Variants in ZCWPW2 observed in about 807,000 individuals in gnomAD.
ZCWPW2 encodes zinc finger CW-type and PWWP domain containing 2.
Under a neutral mutation model 46.6 loss-of-function variants are expected in ZCWPW2, and 45 were observed. That is an observed-to-expected ratio of 0.96 (90% CI 0.76 to 1.24). The LOEUF (loss-of-function observed/expected upper bound fraction) is 1.24, where lower values mean the gene tolerates loss of function less well. Ranked by LOEUF, ZCWPW2 falls within the 50% of genes most tolerant of loss-of-function variation. The pLI is 0.00. For missense variants in ZCWPW2, 429 were observed against 403.9 expected (o/e 1.06, Z -0.53); for synonymous variants, 152 against 137.1 (o/e 1.11, Z -0.76).
At chr3:28,464,196 T>C (rs954282547) in intron 4 of ZCWPW2, among the ~76,000 whole-genome samples, 14 of 152,024 alleles carry the variant, frequency 9.2e-5, no homozygotes, top group Non-Finnish European at 2.9e-5. Flanking sequence ...TACAGTATAT[T>C]GATATAAAAC....
In ZCWPW2 at chr3:28,498,669, C is replaced by T. The variant is rs144742841; in HGVS notation, c.657+6496C>T. On this transcript the variant is annotated intron_variant, in intron 6 of 9. Transcript: ENST00000383768. ...GCTATGCCTTTTTTTTTTTATTATACTTTAAGTTCTATGATACATGTGCAG... is the reference window on the plus strand; with the variant it reads ...GCTATGCCTTTTTTTTTTTATTATATTTTAAGTTCTATGATACATGTGCAG... 2.5e-3 allele frequency among the ~76,000 whole-genome samples: 379 copies of T among 149,936 alleles called. 1 individual carries two copies. Among genetic ancestry groups the T allele is most frequent in the African/African-American group, 8.5e-3 (345 of 40,732 alleles).
chr3:28,404,677 T>C (rs12495684), intron 2 of ZCWPW2, among the ~76,000 whole-genome samples: 33,353 of 152,132 alleles, frequency 0.22, 3,961 homozygotes, highest in Admixed American at 0.28. Flanking sequence ...GTGATATATA[T>C]ATAATGAAAT....
chr3:28,383,609 G>A (rs1425696275), intron 1 of ZCWPW2, among the ~76,000 whole-genome samples: 4 of 151,896 alleles, frequency 2.6e-5, no homozygotes, highest in Non-Finnish European at 5.9e-5. Flanking sequence ...TAAGAGGTGT[G>A]TGTTAAAGCT....
Position 28,525,623 on chromosome 3 carries a change from C to T in ZCWPW2, c.*935C>T, listed in dbSNP as rs1436020454. Among the ~76,000 whole-genome samples, 1 of 152,080 alleles carries T rather than the reference C, an allele frequency of 6.6e-6. No homozygotes were observed. Among genetic ancestry groups the T allele is most frequent in the Non-Finnish European group, 1.5e-5 (1 of 67,996 alleles). ...CAGCGGTGAATTTTATTGTGAGTTG[C>T]CTCATATTGCTTTAACAAGGAGGCA... On this transcript the variant is annotated 3_prime_UTR_variant, in exon 10 of 10. Coordinates refer to ENST00000383768, the MANE Select transcript of ZCWPW2 (RefSeq NM_001040432.4).
intron 4 of ZCWPW2, among the ~76,000 whole-genome samples, chr3:28,460,329 A>G (rs914042283): frequency 2.0e-4 from 30 of 147,194 alleles, no homozygotes; most frequent in African/African-American, 6.8e-4. Context: ...AGTTGTTTTG[A>G]TCTTAAAATT....
chr3:28,474,497 G>A (rs1033668026), intron 4 of ZCWPW2, among the ~76,000 whole-genome samples: 1 of 151,592 alleles, frequency 6.6e-6, no homozygotes, highest in African/African-American at 2.4e-5. Context: ...ATAAATAGGG[G>A]TACATATATG....
At chr3:28,350,070 T>A (rs772478039) in intron 1 of ZCWPW2, among the ~76,000 whole-genome samples, 2 of 152,242 alleles carry the variant, frequency 1.3e-5, no homozygotes, top group Non-Finnish European at 2.9e-5. Context: ...TTGCTTCAAT[T>A]TACTGGGCTG....
intron 2 of ZCWPW2, among the ~76,000 whole-genome samples, chr3:28,394,450 C>T (rs750836502): frequency 6.6e-6 from 1 of 152,032 alleles, no homozygotes; most frequent in Non-Finnish European, 1.5e-5. Flanking sequence ...ATGAAAGACT[C>T]TAAATTTATA....
intron 1 of ZCWPW2, among the ~76,000 whole-genome samples, chr3:28,380,704 T>A (rs1239914132): frequency 6.6e-6 from 1 of 151,748 alleles, no homozygotes. Context: ...GAAATCTTAG[T>A]AGTCAAACTT....
chr3:28,468,137 T>C (rs1338521787), intron 4 of ZCWPW2, among the ~76,000 whole-genome samples: 1 of 152,026 alleles, frequency 6.6e-6, no homozygotes, highest in Non-Finnish European at 1.5e-5. Context: ...TTGAAAAGAA[T>C]TAAGCAGAAG....
chr3:28,521,789 A>G (rs1390569551), intron 9 of ZCWPW2, among the ~76,000 whole-genome samples: 1 of 152,176 alleles, frequency 6.6e-6, no homozygotes, highest in Non-Finnish European at 1.5e-5. Flanking sequence ...GTGGCAATGC[A>G]GCTGTTCCCT....
chr3:28,357,819 A>C (rs190237304), intron 1 of ZCWPW2, among the ~76,000 whole-genome samples: 1,680 of 147,450 alleles, frequency 0.011, 16 homozygotes, highest in Admixed American at 0.017. Context: ...ATATATATAT[A>C]TCTCCATACA....
chr3:28,360,349 C>CAAAAAAAAAAAAAA (rs71087692), intron 1 of ZCWPW2, among the ~76,000 whole-genome samples: 5 of 53,924 alleles, frequency 9.3e-5, no homozygotes, highest in African/African-American at 1.4e-4. Flanking sequence ...ACTAAAAATA[C>CAAAAAAAAAAAAAA]AAAAAAAAAA....
rs147910669 is a variant in ZCWPW2 at position 28,363,595 on chromosome 3, T to C, written c.-134+14392T>C. ...CTGGCCTTGGAATGTACTTTTCAAA[T>C]GCAGACCAACCAATCCAGAGCCCAC... On this transcript the variant is annotated intron_variant, in intron 1 of 9. Coordinates refer to ENST00000383768, the MANE Select transcript of ZCWPW2 (RefSeq NM_001040432.4). Among the ~76,000 whole-genome samples the C allele has an allele frequency of 1.3e-3, 192 of 152,222 alleles. 1 individual carries two copies. Among genetic ancestry groups the C allele is most frequent in the Non-Finnish European group, 2.2e-3 (148 of 67,992 alleles).
intron 5 of ZCWPW2, among the ~76,000 whole-genome samples, chr3:28,481,606 T>C (rs1277242007): frequency 6.6e-6 from 1 of 152,192 alleles, no homozygotes; most frequent in African/African-American, 2.4e-5. Context: ...TACAAGCCCC[T>C]TTTTGTCTTT....
chr3:28,489,026 TC>T (rs1408651977), intron 5 of ZCWPW2, among the ~76,000 whole-genome samples: 1 of 152,172 alleles, frequency 6.6e-6, no homozygotes, highest in African/African-American at 2.4e-5. Flanking sequence ...CCCAAGATAC[TC>T]TACTTTTATT....
chr3:28,516,447 G>A (rs2125204), intron 8 of ZCWPW2, among the ~76,000 whole-genome samples: 17,702 of 152,076 alleles, frequency 0.12, 1,640 homozygotes, highest in East Asian at 0.46. Context: ...CTAAATTGTC[G>A]TTGGTTAGAA....
At chr3:28,438,879 C>T (rs996443343) in intron 4 of ZCWPW2, among the ~76,000 whole-genome samples, 3 of 151,664 alleles carry the variant, frequency 2.0e-5, no homozygotes, top group Admixed American at 6.6e-5. Flanking sequence ...CAGAAAAGTA[C>T]AACTGAAATG....
At chr3:28,436,834 A>G (rs1330822566) in intron 4 of ZCWPW2, among the ~76,000 whole-genome samples, 3 of 152,184 alleles carry the variant, frequency 2.0e-5, no homozygotes, top group Non-Finnish European at 4.4e-5. Flanking sequence ...AGGATAGAAT[A>G]TTCCATCTTG....
Sources: gnomAD v4.1 joint callset for allele counts (sites outside exome capture counted in the v4.1 genomes callset) on GRCh38, gnomAD v4.1.1 for gene constraint, MANE v1.5 for transcripts, NCBI Gene and HGNC (gene_info 2026-07-23, HGNC 2026-07-21) for gene names.